The following ZHX2 variants were observed in gnomAD, a reference collection of about 807,000 sequenced individuals.
The protein encoded by ZHX2 is zinc fingers and homeoboxes 2.
A neutral mutation model predicts 21.9 loss-of-function variants in ZHX2; 6 were observed. That is an observed-to-expected ratio of 0.27 (90% CI 0.15 to 0.54). The LOEUF is 0.54. ZHX2 is among the 20% of genes least tolerant of loss of function. The pLI, the probability that ZHX2 is intolerant of heterozygous loss-of-function variation, is 0.95. For missense variants in ZHX2, 908 were observed against 1,090.7 expected, an observed-to-expected ratio of 0.83 and a Z score of 2.36; for synonymous variants, 434 against 437.1, an observed-to-expected ratio of 0.99 and a Z score of 0.09.
chr8:122,784,937 C>T (rs75421337), intron 1 of ZHX2, among the ~76,000 whole-genome samples: 3 of 152,198 alleles, frequency 2.0e-5, no homozygotes. Flanking sequence ...ACAGAGCCCC[C>T]CTGGCAGAAA....
intron 2 of ZHX2, among the ~76,000 whole-genome samples, chr8:122,928,719 A>G (rs1820913526): frequency 6.6e-6 from 1 of 152,164 alleles, no homozygotes; most frequent in Non-Finnish European, 1.5e-5. Flanking sequence ...ACAACAGAGC[A>G]TGGATTCAGA....
intron 2 of ZHX2, among the ~76,000 whole-genome samples, chr8:122,864,358 G>A (rs1237045449): frequency 1.3e-5 from 2 of 151,984 alleles, no homozygotes; most frequent in African/African-American, 2.4e-5. Flanking sequence ...TGACCCTCAT[G>A]TCTCTCCTAC....
At chr8:122,875,298 T>C (rs1819546150) in intron 2 of ZHX2, among the ~76,000 whole-genome samples, 1 of 151,294 alleles carries the variant, frequency 6.6e-6, no homozygotes. Flanking sequence ...CTAAGAATGG[T>C]ATTGTATTTT....
chr8:122,797,311 T>A (rs1183493012), intron 1 of ZHX2, among the ~76,000 whole-genome samples: 2 of 152,214 alleles, frequency 1.3e-5, no homozygotes, highest in African/African-American at 4.8e-5. Context: ...TTCAGGCTGC[T>A]GGAGGAGAGG....
In ZHX2 at chr8:122,918,151, C is replaced by A. The variant is rs570856282; in HGVS notation, c.-219-33141C>A. ...ATTAAACTTATTTAATCCTCACAGTCATGTGAACTAAGTACCAATCCCATG... is the reference window on the plus strand; with the variant it reads ...ATTAAACTTATTTAATCCTCACAGTAATGTGAACTAAGTACCAATCCCATG... On this transcript the variant is annotated intron_variant, in intron 2 of 3. Coordinates refer to ENST00000314393, the MANE Select transcript of ZHX2 (RefSeq NM_014943.5). Among the ~76,000 whole-genome samples the A allele has an allele frequency of 2.0e-5, 3 of 152,336 alleles. No homozygotes were observed. In the South Asian group the frequency reaches 6.2e-4, roughly 32 times the overall value.
chr8:122,808,094 T>C (rs1817857889), intron 1 of ZHX2, among the ~76,000 whole-genome samples: 1 of 152,338 alleles, frequency 6.6e-6, no homozygotes, highest in Admixed American at 6.5e-5. Context: ...TCAGTTTATC[T>C]CCTCATATAT....
chr8:122,869,279 C>T (rs1028317054), intron 2 of ZHX2, among the ~76,000 whole-genome samples: 3 of 151,814 alleles, frequency 2.0e-5, no homozygotes, highest in Admixed American at 1.3e-4. Flanking sequence ...TCCCATTCTC[C>T]GTAGTGTGGC....
chr8:122,780,938 G>A (rs1349619681), upstream of ZHX2: 6 of 152,204 alleles, frequency 3.9e-5, no homozygotes, highest in Non-Finnish European at 8.8e-5. Context: ...ACCTGGCGCG[G>A]GCGGAAATCC....
chr8:122,886,257 T>C (rs964757815), intron 2 of ZHX2, among the ~76,000 whole-genome samples: 4 of 152,216 alleles, frequency 2.6e-5, no homozygotes, highest in Non-Finnish European at 4.4e-5. Context: ...TGATTCTAAC[T>C]ATATAACATT....
rs544047510 is a variant in ZHX2 at position 122,803,992 on chromosome 8, G to A, written c.-283+22046G>A. ...GTACGTAGAATAGTGCCTGGTGCCT[G>A]GCAAGGACTCAGTACTATAAGATTC... On this transcript the variant is annotated intron_variant, in intron 1 of 3. Transcript: ENST00000314393. 2.6e-5 allele frequency among the ~76,000 whole-genome samples: 4 copies of A among 152,252 alleles called. No individual in the cohort carries two copies. The South Asian group carries it at 8.3e-4, about 32-fold the overall frequency.
intron 1 of ZHX2, among the ~76,000 whole-genome samples, chr8:122,788,608 G>A: frequency 6.6e-6 from 1 of 152,108 alleles, no homozygotes; most frequent in Non-Finnish European, 1.5e-5. Flanking sequence ...CGAAAGCTCA[G>A]AGGGGTTAAG....
chr8:122,944,057 G>A (rs1472413461), intron 2 of ZHX2, among the ~76,000 whole-genome samples: 1 of 152,158 alleles, frequency 6.6e-6, no homozygotes, highest in Non-Finnish European at 1.5e-5. Flanking sequence ...CTCTGCCTGG[G>A]AAGACTAGGT....
chr8:122,902,212 C>T (rs893543034), intron 2 of ZHX2, among the ~76,000 whole-genome samples: 1 of 152,192 alleles, frequency 6.6e-6, no homozygotes, highest in African/African-American at 2.4e-5. Context: ...TACAGCCTTA[C>T]TCTGTGCTAG....
At chr8:122,803,654 G>A (rs529003075) in intron 1 of ZHX2, among the ~76,000 whole-genome samples, 53 of 152,316 alleles carry the variant, frequency 3.5e-4, no homozygotes, top group African/African-American at 1.2e-3. Context: ...CTTCCCCCAT[G>A]GAGAACCCGT....
chr8:122,807,417 CA>C (rs1817845234), intron 1 of ZHX2, among the ~76,000 whole-genome samples: 1 of 152,114 alleles, frequency 6.6e-6, no homozygotes, highest in Non-Finnish European at 1.5e-5. Context: ...GGAAGAAAAG[CA>C]AAAACAGTGT....
chr8:122,865,296 T>C (rs2129643777), intron 2 of ZHX2, among the ~76,000 whole-genome samples: 1 of 152,018 alleles, frequency 6.6e-6, no homozygotes, highest in East Asian at 1.9e-4. Flanking sequence ...GCCCAGCTAA[T>C]TTTTTGTATT....
At chr8:122,821,766 G>A (rs775152632) in intron 1 of ZHX2, among the ~76,000 whole-genome samples, 37 of 152,078 alleles carry the variant, frequency 2.4e-4, no homozygotes, top group South Asian at 4.2e-4. Context: ...GTGCGGTGGC[G>A]CGATCTCGGC....
chr8:122,941,069 A>T (rs977798997), intron 2 of ZHX2, among the ~76,000 whole-genome samples: 10 of 87,464 alleles, frequency 1.1e-4, no homozygotes, highest in Non-Finnish European at 1.6e-4. Flanking sequence ...TATCTCTATT[A>T]AAAAAAAAAA....
intron 1 of ZHX2, among the ~76,000 whole-genome samples, chr8:122,856,991 C>T (rs1819040688): frequency 6.6e-6 from 1 of 152,110 alleles, no homozygotes; most frequent in African/African-American, 2.4e-5. Flanking sequence ...GCTCCAGCCA[C>T]CCTGACAGCT....
Sources: allele counts gnomAD v4.1 joint callset (sites outside exome capture counted in the v4.1 genomes callset), GRCh38; gene constraint gnomAD v4.1.1; transcripts MANE v1.5; gene names NCBI Gene and HGNC (gene_info 2026-07-23, HGNC 2026-07-21).